The following ERBB4 variants were observed in gnomAD, a reference collection of about 807,000 sequenced individuals.
The protein encoded by ERBB4 is receptor tyrosine-protein kinase erbB-4.
Under a neutral mutation model 158.0 loss-of-function variants are expected in ERBB4, and 42 were observed. The ratio of observed to expected loss-of-function variants is 0.27; its 90% CI spans 0.21 to 0.34. The LOEUF (loss-of-function observed/expected upper bound fraction) is 0.34. ERBB4 is among the 10% of genes least tolerant of loss of function. ERBB4 has a pLI of 1.00. For synonymous variants in ERBB4, 583 were observed against 558.7 expected, an observed-to-expected ratio of 1.04 and a Z score of -0.61; for missense variants, 1,333 against 1,624.1, an observed-to-expected ratio of 0.82 and a Z score of 3.08.
chr2:211,807,430 G>A (rs1275902634), intron 3 of ERBB4, among the ~76,000 whole-genome samples: 1 of 152,152 alleles, frequency 6.6e-6, no homozygotes, highest in Non-Finnish European at 1.5e-5. Context: ...TGCTCAGGAT[G>A]ATGGTTTCTA....
chr2:212,060,296 A>C (rs1256279077), intron 2 of ERBB4, among the ~76,000 whole-genome samples: 1 of 152,048 alleles, frequency 6.6e-6, no homozygotes, highest in Non-Finnish European at 1.5e-5. Context: ...CGATCATTAA[A>C]AAGTCAAGAA....
intron 2 of ERBB4, among the ~76,000 whole-genome samples, chr2:212,086,202 G>A (rs141614220): frequency 9.2e-5 from 14 of 151,958 alleles, no homozygotes; most frequent in East Asian, 1.9e-4. Flanking sequence ...TGGCTGCCAC[G>A]TTTTCTATTA....
rs80204263 is a variant in ERBB4 at position 211,609,738 on chromosome 2, T to C, written c.2301+9439A>G. Among the ~76,000 whole-genome samples the C allele has an allele frequency of 3.6e-4, 55 of 152,266 alleles. No homozygotes were observed. The East Asian group carries it at 0.01, about 28-fold the overall frequency. ...TGGGGTCTTGCTACCTTTCCTCCTA[T>C]TAATTTGCATCATGTCAGTGAGTTT... On this transcript the variant is annotated intron_variant, in intron 19 of 27. Transcript: ENST00000342788.
chr2:211,945,160 T>G (rs1198884964), intron 3 of ERBB4, among the ~76,000 whole-genome samples: 4 of 152,164 alleles, frequency 2.6e-5, no homozygotes, highest in African/African-American at 9.6e-5. Flanking sequence ...ACATTTAGCC[T>G]TTTAAGATTT....
chr2:211,974,185 A>G lies in ERBB4; in HGVS notation c.235-26569T>C, dbSNP rs1277663893. On this transcript the variant is annotated intron_variant, in intron 2 of 27. Coordinates refer to ENST00000342788, the MANE Select transcript of ERBB4 (RefSeq NM_005235.3). Reference sequence around the variant, plus strand: ...ATCTGTACAACAAACTTCCATGACAAAAGTTTACCTATGTAACAACCTGCA... The same window carrying G: ...ATCTGTACAACAAACTTCCATGACAGAAGTTTACCTATGTAACAACCTGCA... Among the ~76,000 whole-genome samples, 4 of 152,172 alleles carry G rather than the reference A, an allele frequency of 2.6e-5. No individual in the cohort carries two copies. The South Asian group carries it at 8.3e-4, about 32-fold the overall frequency.
At chr2:211,488,221 A>G (rs1429142202) in intron 20 of ERBB4, among the ~76,000 whole-genome samples, 2 of 152,252 alleles carry the variant, frequency 1.3e-5, no homozygotes, top group African/African-American at 4.8e-5. Context: ...ATGGCTGGAC[A>G]TATCTGAGCT....
chr2:212,365,838 TACTGAGGAGA>T lies in ERBB4; in HGVS notation c.82+172601_82+172610del, dbSNP rs558470244. Among the ~76,000 whole-genome samples, 14 of 151,998 alleles carry T rather than the reference TACTGAGGAGA, an allele frequency of 9.2e-5. 1 individual carries two copies. In the South Asian group the frequency reaches 2.9e-3, roughly 31 times the overall value. On this transcript the variant is annotated intron_variant, in intron 1 of 27. Coordinates refer to ENST00000342788, the MANE Select transcript of ERBB4 (RefSeq NM_005235.3). Reference sequence around the variant, plus strand: ...GGACTCACAAATAACTGTAAGTACATACTGAGGAGAACAGGTTTCTATTGAGGAAAACTGT... The same window carrying T: ...GGACTCACAAATAACTGTAAGTACATACAGGTTTCTATTGAGGAAAACTGT...
chr2:212,056,113 G>A (rs1010125658), intron 2 of ERBB4, among the ~76,000 whole-genome samples: 11 of 152,190 alleles, frequency 7.2e-5, no homozygotes, highest in African/African-American at 1.7e-4. Context: ...AACATGGCAC[G>A]AGAACTACGT....
rs2125872870 is a variant in ERBB4 at position 211,630,539 on chromosome 2, C to A, written c.2002G>T (p.Gly668Cys). 2 of 1,613,472 alleles carry A rather than the reference C, an allele frequency of 1.2e-6. No individual in the cohort carries two copies. The highest frequency in any genetic ancestry group is 8.5e-7 in the Non-Finnish European group (1 of 1,179,766). Reference sequence around the variant, plus strand: ...CTAACATAAACAGCAAATGTCAGACCCACAATGACCAGAATGAAGAGCCCA... The same window carrying A: ...CTAACATAAACAGCAAATGTCAGACACACAATGACCAGAATGAAGAGCCCA... ...IGGLFILVIV[G>C]LTFAVYVRRK... is the part of the protein sequence containing the mutation. The change falls in exon 17 of 28, where the codon GGT becomes TGT. Residue 668 changes from glycine to cysteine, a missense_variant. Gly to Cys is a radical substitution (Grantham distance 159, BLOSUM62 -3). Transcript: ENST00000342788.
At chr2:211,522,723 T>C (rs1246568616) in intron 20 of ERBB4, among the ~76,000 whole-genome samples, 1 of 152,168 alleles carries the variant, frequency 6.6e-6, no homozygotes, top group Non-Finnish European at 1.5e-5. Context: ...ATCAGAAAGA[T>C]TCTGACTCAC....
chr2:211,977,833 C>T (rs2081658358), intron 2 of ERBB4, among the ~76,000 whole-genome samples: 1 of 129,816 alleles, frequency 7.7e-6, no homozygotes, highest in Non-Finnish European at 1.6e-5. Flanking sequence ...CACTCCAGCC[C>T]GGGCAACAGA....
At chr2:211,728,360 T>C (rs138190283) in intron 5 of ERBB4, among the ~76,000 whole-genome samples, 1 of 151,820 alleles carries the variant, frequency 6.6e-6, no homozygotes, top group Non-Finnish European at 1.5e-5. Context: ...ATATATGATA[T>C]GTACCCAAAC....
chr2:212,142,338 T>C (rs1330297969), intron 1 of ERBB4, among the ~76,000 whole-genome samples: 1 of 151,900 alleles, frequency 6.6e-6, no homozygotes, highest in African/African-American at 2.4e-5. Flanking sequence ...ACTCAATAAA[T>C]ATTTAATGAA....
intron 3 of ERBB4, among the ~76,000 whole-genome samples, chr2:211,929,697 G>A (rs1023884691): frequency 6.6e-6 from 1 of 152,102 alleles, no homozygotes; most frequent in Non-Finnish European, 1.5e-5. Flanking sequence ...ACCATGAATA[G>A]AGAAATAGAA....
chr2:211,670,036 T>C (rs759039936), intron 14 of ERBB4, among the ~76,000 whole-genome samples: 1 of 152,228 alleles, frequency 6.6e-6, no homozygotes, highest in Non-Finnish European at 1.5e-5. Flanking sequence ...CAACAGAATA[T>C]ATCATAAGAT....
Position 211,810,798 on chromosome 2 carries a change from G to C in ERBB4, c.422-22639C>G, listed in dbSNP as rs572782651. On this transcript the variant is annotated intron_variant, in intron 3 of 27. Transcript: ENST00000342788. ...CGCCATTCTCCTGCCTCAGTCTCCC[G>C]AGTAGCTGGGACTACAGGCGCCCGC... Among the ~76,000 whole-genome samples the C allele has an allele frequency of 1.2e-4, 18 of 150,058 alleles. 1 individual carries two copies. In the South Asian group the frequency reaches 2.8e-3, roughly 23 times the overall value.
intron 19 of ERBB4, among the ~76,000 whole-genome samples, chr2:211,564,711 A>C (rs2067498575): frequency 6.6e-6 from 1 of 152,170 alleles, no homozygotes; most frequent in Non-Finnish European, 1.5e-5. Context: ...ACATAAAATC[A>C]AGGAAACAAA....
At chr2:211,635,963 T>C (rs1415951193) in intron 16 of ERBB4, among the ~76,000 whole-genome samples, 3 of 152,066 alleles carry the variant, frequency 2.0e-5, no homozygotes, top group Non-Finnish European at 2.9e-5. Context: ...GTATTGACTA[T>C]GAATCAAAGA....
intron 5 of ERBB4, among the ~76,000 whole-genome samples, chr2:211,749,609 AT>A: frequency 6.6e-6 from 1 of 152,258 alleles, no homozygotes; most frequent in South Asian, 2.1e-4. Context: ...TTAAGAAATC[AT>A]TTATCATTGG....
Sources: allele counts gnomAD v4.1 joint callset (sites outside exome capture counted in the v4.1 genomes callset), GRCh38; gene constraint gnomAD v4.1.1; transcripts MANE v1.5; gene names NCBI Gene and HGNC (gene_info 2026-07-23, HGNC 2026-07-21).